Variants in TMEM74 observed in about 807,000 individuals in gnomAD.
TMEM74 encodes the protein transmembrane protein 74.
A neutral mutation model predicts 18.1 loss-of-function variants in TMEM74; 13 were observed. The ratio of observed to expected loss-of-function variants is 0.72; its 90% CI spans 0.47 to 1.14. TMEM74 has a LOEUF of 1.14. TMEM74 is among the 50% of genes most tolerant of loss of function. TMEM74 has a pLI of 0.00. For synonymous variants in TMEM74, 159 were observed against 146.6 expected, an observed-to-expected ratio of 1.08 and a Z score of -0.61; for missense variants, 372 against 375.9, an observed-to-expected ratio of 0.99 and a Z score of 0.09.
In TMEM74 at chr8:108,784,717, G is replaced by C; in HGVS notation, c.382C>G (p.Pro128Ala). 6.2e-7 allele frequency: 1 copy of C among 1,614,130 alleles called. No individual in the cohort carries two copies. The highest frequency in any genetic ancestry group is 8.5e-7 in the Non-Finnish European group (1 of 1,180,020). Residue 128 changes from proline (P) to alanine (A), a missense_variant, in exon 2 of 2, where the codon CCA becomes GCA. Physicochemically the swap from Pro to Ala is conservative, Grantham distance 27 (BLOSUM62 -1). Coordinates refer to ENST00000297459, the MANE Select transcript of TMEM74 (RefSeq NM_153015.3). ...GGGTGATTATGCCCTTTTGCTGATG[G>C]CGAGCTCCGGTTCCGCTGCTCCAAG... The part of the protein sequence containing the change: ...INLEQRNRSS[P>A]SAKGHNHPGE...
intron 2 of TMEM74, among the ~76,000 whole-genome samples, chr8:108,641,356 A>G (rs1180746399): frequency 1.3e-5 from 2 of 152,280 alleles, no homozygotes; most frequent in African/African-American, 2.4e-5. Context: ...GATACAGTTC[A>G]TTCTCATTTT....
chr8:108,720,728 C>CTATT (rs3049754), intron 1 of TMEM74, among the ~76,000 whole-genome samples: 7,518 of 149,306 alleles, frequency 0.05, 308 homozygotes, highest in East Asian at 0.14. Context: ...TAAGATATAA[C>CTATT]TATTTATTTA....
chr8:108,776,711 C>CA (rs1209083416), downstream of TMEM74, among the ~76,000 whole-genome samples: 5 of 147,618 alleles, frequency 3.4e-5, no homozygotes, highest in African/African-American at 1.3e-4. Flanking sequence ...AAGAGACATA[C>CA]AAATAAGCAG....
chr8:108,747,312 G>A (rs1563541174), intron 1 of TMEM74, among the ~76,000 whole-genome samples: 1 of 152,050 alleles, frequency 6.6e-6, no homozygotes, highest in Non-Finnish European at 1.5e-5. Flanking sequence ...ACAAATAAGA[G>A]TTTTCTATAC....
chr8:108,661,768 G>A (rs1812902104), intron 1 of TMEM74, among the ~76,000 whole-genome samples: 1 of 152,068 alleles, frequency 6.6e-6, no homozygotes, highest in Non-Finnish European at 1.5e-5. Context: ...CTGGGTAGGT[G>A]ACACTTAGTG....
chr8:108,709,034 T>C (rs937877822), intron 1 of TMEM74, among the ~76,000 whole-genome samples: 5 of 152,056 alleles, frequency 3.3e-5, no homozygotes, highest in African/African-American at 4.8e-5. Flanking sequence ...ATAAAAAGCA[T>C]TGGTGATGAT....
intron 2 of TMEM74, among the ~76,000 whole-genome samples, chr8:108,621,548 G>C (rs888880997): frequency 6.6e-6 from 1 of 152,138 alleles, no homozygotes; most frequent in Non-Finnish European, 1.5e-5. Flanking sequence ...GTATGAAGCA[G>C]GGTATCAGCT....
intron 2 of TMEM74, among the ~76,000 whole-genome samples, chr8:108,629,941 A>G (rs1812533342): frequency 6.6e-6 from 1 of 152,114 alleles, no homozygotes; most frequent in Non-Finnish European, 1.5e-5. Context: ...GTGCAAAATA[A>G]CCAGCGAGCA....
At chr8:108,778,471 G>T (rs1012430886), downstream of TMEM74, among the ~76,000 whole-genome samples, 1 of 152,172 alleles carries the variant, frequency 6.6e-6, no homozygotes, top group Non-Finnish European at 1.5e-5. Context: ...ATGATCAGAG[G>T]TGGTTAACAA....
chr8:108,659,312 G>A (rs1458977667), intron 1 of TMEM74, among the ~76,000 whole-genome samples: 1 of 108,234 alleles, frequency 9.2e-6, no homozygotes, highest in Non-Finnish European at 1.9e-5. Context: ...TTGTCTTACT[G>A]AAGTTTTCTA....
intron 2 of TMEM74, among the ~76,000 whole-genome samples, chr8:108,615,976 G>A (rs1033951021): frequency 2.0e-5 from 3 of 151,878 alleles, no homozygotes; most frequent in African/African-American, 7.3e-5. Context: ...TAGTAGAGAC[G>A]GGGTTTCACC....
At chr8:108,763,710 G>T (rs1814070539) in intron 1 of TMEM74, among the ~76,000 whole-genome samples, 1 of 152,120 alleles carries the variant, frequency 6.6e-6, no homozygotes, top group South Asian at 2.1e-4. Context: ...TATTTTACTG[G>T]TATTCTTATT....
intron 1 of TMEM74, among the ~76,000 whole-genome samples, chr8:108,665,036 C>T (rs908959539): frequency 1.3e-5 from 2 of 151,664 alleles, no homozygotes; most frequent in African/African-American, 2.4e-5. Flanking sequence ...ATAAACTATA[C>T]CGATTATCTC....
intron 2 of TMEM74, among the ~76,000 whole-genome samples, chr8:108,650,963 G>A (rs1190235415): frequency 2.6e-5 from 4 of 151,926 alleles, no homozygotes; most frequent in African/African-American, 7.3e-5. Context: ...TGCCCACCTC[G>A]GCCTCGCAAA....
intron 1 of TMEM74, among the ~76,000 whole-genome samples, chr8:108,786,339 A>C (rs1363904246): frequency 6.6e-6 from 1 of 152,210 alleles, no homozygotes; most frequent in African/African-American, 2.4e-5. Context: ...CTATCATTAG[A>C]GATTTTAACC....
At chr8:108,735,900 T>C (rs1813744098) in intron 1 of TMEM74, among the ~76,000 whole-genome samples, 1 of 152,130 alleles carries the variant, frequency 6.6e-6, no homozygotes, top group Non-Finnish European at 1.5e-5. Context: ...AATTATATAC[T>C]CTCTTCTAAC....
intron 1 of TMEM74, among the ~76,000 whole-genome samples, chr8:108,754,639 A>ATAGGTAGG (rs71564017): frequency 6.8e-6 from 1 of 147,616 alleles, no homozygotes; most frequent in African/African-American, 2.5e-5. Flanking sequence ...AATAGGATGG[A>ATAGGTAGG]TAGGTAGGTA....
chr8:108,717,980 A>G (rs1181257550), intron 1 of TMEM74, among the ~76,000 whole-genome samples: 1 of 48,654 alleles, frequency 2.1e-5, no homozygotes, highest in Non-Finnish European at 3.2e-5. Context: ...TTTTTTTGAG[A>G]CGGAGTCTCG....
At chr8:108,694,564 C>G (rs936154449) in intron 1 of TMEM74, among the ~76,000 whole-genome samples, 1 of 152,158 alleles carries the variant, frequency 6.6e-6, no homozygotes, top group African/African-American at 2.4e-5. Flanking sequence ...AATGTAGGAG[C>G]TGCACCTTAT....
Sources: gnomAD v4.1 joint callset for allele counts (sites outside exome capture counted in the v4.1 genomes callset) on GRCh38, gnomAD v4.1.1 for gene constraint, MANE v1.5 for transcripts, NCBI Gene and HGNC (gene_info 2026-07-23, HGNC 2026-07-21) for gene names.